PPL: variants seen among roughly 807,000 people sequenced by gnomAD.
PPL encodes periplakin.
Under a neutral mutation model 194.4 loss-of-function variants are expected in PPL, and 198 were observed. That is an observed-to-expected ratio of 1.02 (90% confidence interval 0.91 to 1.15). The LOEUF is 1.15. PPL is among the 50% of genes most tolerant of loss of function. The pLI, the probability that PPL is intolerant of heterozygous loss-of-function variation, is 0.00. For synonymous variants in PPL, 1,220 were observed against 972.4 expected (o/e 1.25, Z -4.74); for missense variants, 2,885 against 2,294.8 (o/e 1.26, Z -5.25).
chr16:4,894,308 C>T (rs1850310184), intron 12 of PPL, among the ~76,000 whole-genome samples, 159 bp downstream of exon 12: 1 of 152,226 alleles, frequency 6.6e-6, no homozygotes, highest in African/African-American at 2.4e-5. Flanking sequence ...CCACAATCTG[C>T]CCCTCTCCTG....
chr16:4,890,138 C>T (rs1435211920), intron 18 of PPL, 46 bp downstream of exon 18: 8 of 1,613,196 alleles, frequency 5.0e-6, no homozygotes, highest in Non-Finnish European at 6.8e-6. Context: ...ACCTCTGACC[C>T]TCCCTTGCCA....
Position 4,893,569 on chromosome 16 carries a change from A to G in PPL, c.1464T>C (p.Tyr488=), listed in dbSNP as rs747882852. 3.1e-6 allele frequency: 5 copies of G among 1,612,468 alleles called. No individual in the cohort carries two copies. In the South Asian group the frequency reaches 3.3e-5, roughly 11 times the overall value. Residue 488 remains tyrosine (Y), a synonymous_variant, in exon 13 of 22, where the codon TAT becomes TAC. Coordinates refer to ENST00000345988, the MANE Select transcript of PPL (RefSeq NM_002705.5). ...CGGGATTCTCGGTCTTCAGCACCTC[A>G]TACCGCTGCTGCAGCGTGCGTTTGC... ...AGSKRTLQQR[Y]EVLKTENPGD...
chr16:4,894,457 GC>G lies in PPL; in HGVS notation c.1394+9del. 1 of 1,613,590 alleles carries G rather than the reference GC, an allele frequency of 6.2e-7. No individual in the cohort carries two copies. Among genetic ancestry groups the G allele is most frequent in the Non-Finnish European group, 8.5e-7 (1 of 1,179,880 alleles). ...CTGGTCCATGCAGACTCCCGCCTTTGCCCTTGTACCTGTCAGCCAGAGCCAG... is the reference window on the plus strand; with the variant it reads ...CTGGTCCATGCAGACTCCCGCCTTTGCCTTGTACCTGTCAGCCAGAGCCAG... On this transcript the variant is annotated intron_variant, in intron 12 of 21. Coordinates refer to ENST00000345988, the MANE Select transcript of PPL (RefSeq NM_002705.5).
rs758464533 is a variant in PPL, at chr16:4,899,007, A to C, written c.876+6T>G. The C allele has an allele frequency of 7.4e-6, 12 of 1,612,736 alleles. No homozygotes were observed. In the African/African-American group the frequency reaches 1.6e-4, roughly 22 times the overall value. On this transcript the variant is annotated splice_donor_region_variant and intron_variant, in intron 8 of 21. Coordinates refer to ENST00000345988, the MANE Select transcript of PPL (RefSeq NM_002705.5). ...GGGGAGGTGTCTGGTCTCGGGGTGC[A>C]TGAACCTCAATGGAGTTCCTCCCGG...
Position 4,885,715 on chromosome 16 carries a change from G to A in PPL, c.2940C>T (p.Ala980=). The A allele has an allele frequency of 1.2e-6, 2 of 1,613,320 alleles. No homozygotes were observed. Among genetic ancestry groups the A allele is most frequent in the South Asian group, 2.2e-5 (2 of 91,038 alleles). ...ELEALQLQLR[A]LEQETRDGGQ... ...CCCCGTCTCTGGTCTCCTGCTCCAG[G>A]GCACGCAGCTGCAGCTGCAGTGCCT... The change falls in exon 22 of 22, where the codon GCC becomes GCT. Residue 980 remains alanine (A), a synonymous_variant. Coordinates refer to ENST00000345988, the MANE Select transcript of PPL (RefSeq NM_002705.5). The surrounding 1 kb of genome is among the most constrained non-coding windows in gnomAD (Gnocchi z 6.3).
At position 4,885,450 on chromosome 16, in the gene PPL, C is replaced by T. The variant is rs772033295; in HGVS notation, c.3205G>A (p.Glu1069Lys). Reference protein sequence around the residue: ...KLQNDPQLEAEYQQLQEDHQR... With the variant: ...KLQNDPQLEAKYQQLQEDHQR... ...TGGTCCTCCTGCAGCTGCTGGTACT[C>T]TGCCTCCAGCTGGGGGTCATTCTGC... Residue 1069 changes from glutamate (E) to lysine (K), a missense_variant, in exon 22 of 22, where the codon GAG becomes AAG. Physicochemically the swap from Glu to Lys is moderately conservative, Grantham distance 56. Coordinates refer to ENST00000345988, the MANE Select transcript of PPL (RefSeq NM_002705.5). The surrounding 1 kb of genome is among the most constrained non-coding windows in gnomAD (Gnocchi z 6.3). 1 of 1,612,364 alleles carries T rather than the reference C, an allele frequency of 6.2e-7. No homozygotes were observed. Among genetic ancestry groups the T allele is most frequent in the South Asian group, 1.1e-5 (1 of 91,062 alleles).
chr16:4,913,325 G>A (rs922381106), intron 1 of PPL, among the ~76,000 whole-genome samples: 3 of 152,154 alleles, frequency 2.0e-5, no homozygotes, highest in African/African-American at 7.2e-5. Flanking sequence ...CTTAGTGGCT[G>A]TGTGACTTGG....
chr16:4,892,105 T>A lies in PPL; in HGVS notation c.1759A>T (p.Arg587Trp). Residue 587 changes from arginine (R) to tryptophan (W), a missense_variant, in exon 15 of 22, where the codon AGG becomes TGG. Physicochemically the swap from Arg to Trp is moderately radical, Grantham distance 101. Transcript: ENST00000345988. ...CGGTTGGTGTCCTCCACCCGGGTCC[T>A]CAGCAGGGGTGTGGTGCCACTGCCT... Reference protein sequence around the residue: ...LPGSGTTPLLRTRVEDTNRKY... With the variant: ...LPGSGTTPLLWTRVEDTNRKY... 1 of 1,613,800 alleles carries A rather than the reference T, an allele frequency of 6.2e-7. No homozygotes were observed. Among genetic ancestry groups the A allele is most frequent in the Non-Finnish European group, 8.5e-7 (1 of 1,180,022 alleles).
rs750778327 is a variant in PPL, at chr16:4,886,037, A to G, written c.2618T>C (p.Val873Ala). 9.9e-6 allele frequency: 16 copies of G among 1,613,552 alleles called. No homozygotes were observed. Among genetic ancestry groups the G allele is most frequent in the Non-Finnish European group, 1.3e-5 (15 of 1,179,988 alleles). The change falls in exon 22 of 22, where the codon GTA becomes GCA. Residue 873 changes from valine (V) to alanine (A), a missense_variant. Coordinates refer to ENST00000345988, the MANE Select transcript of PPL (RefSeq NM_002705.5). ...TTGCAGGGTCTCATGGGTCACTTCT[A>G]CTTCCGGCTGCTGTGATGGAGAAGA... ...ALNLLRQQPE[V>A]EVTHETLQRN...
In PPL at chr16:4,883,677, C is replaced by G; in HGVS notation, c.4978G>C (p.Val1660Leu). The G allele has an allele frequency of 6.2e-7, 1 of 1,614,178 alleles. No individual in the cohort carries two copies. Among genetic ancestry groups the G allele is most frequent in the Non-Finnish European group, 8.5e-7 (1 of 1,180,020 alleles). ...RENHLRRSIV[V>L]IHPDTGRELS... The stretch of plus-strand genomic sequence containing the variant: ...TCGCGGCCTGTGTCAGGGTGGATGA[C>G]TACGATGGAGCGCCGCAGGTGGTTC... The change falls in exon 22 of 22, where the codon GTC becomes CTC. Residue 1660 changes from valine (V) to leucine (L), a missense_variant. Transcript: ENST00000345988. The surrounding 1 kb of genome is among the most constrained non-coding windows in gnomAD (Gnocchi z 4.8).
At chr16:4,898,614 G>A (rs904861987) in intron 8 of PPL, among the ~76,000 whole-genome samples, 1 of 152,182 alleles carries the variant, frequency 6.6e-6, no homozygotes, top group Non-Finnish European at 1.5e-5. Context: ...GCAACCCCCA[G>A]AAGCCGGAAG....
rs138413105 is a variant in PPL at position 4,883,951 on chromosome 16, T to C, written c.4704A>G (p.Leu1568=). 164 of 1,614,030 alleles carry C rather than the reference T, an allele frequency of 1.0e-4. 1 individual carries two copies. The African/African-American group carries it at 2.0e-3, about 19-fold the overall frequency. ...GCTGCAGGTTTTGCCTCTCCAGCTGTAATTTGTGGTTCTCTTCCCTCAGAA... is the reference window on the plus strand; with the variant it reads ...GCTGCAGGTTTTGCCTCTCCAGCTGCAATTTGTGGTTCTCTTCCCTCAGAA... ...LDFLREENHK[L]QLERQNLQLE... The change falls in exon 22 of 22, where the codon TTA becomes TTG. Residue 1568 remains leucine, a synonymous_variant. Transcript: ENST00000345988. The surrounding 1 kb of genome is among the most constrained non-coding windows in gnomAD (Gnocchi z 4.8).
intron 1 of PPL, among the ~76,000 whole-genome samples, chr16:4,932,110 G>T (rs936913181): frequency 7.4e-4 from 113 of 152,332 alleles, no homozygotes; most frequent in African/African-American, 2.6e-3. Context: ...AGGCCCCCCT[G>T]GACTTCCAGC....
chr16:4,904,654 C>T (rs906952196), intron 2 of PPL, among the ~76,000 whole-genome samples: 1 of 152,106 alleles, frequency 6.6e-6, no homozygotes, highest in African/African-American at 2.4e-5. Flanking sequence ...GTGAAAAGGT[C>T]TCTGTGGATA....
chr16:4,896,205 C>G (rs1234473631), intron 9 of PPL, among the ~76,000 whole-genome samples: 1 of 152,186 alleles, frequency 6.6e-6, no homozygotes, highest in Non-Finnish European at 1.5e-5. Flanking sequence ...CCTGAAGCCC[C>G]CACTGTGCGG....
At chr16:4,910,165 G>T (rs1256451592) in intron 2 of PPL, among the ~76,000 whole-genome samples, 1 of 152,162 alleles carries the variant, frequency 6.6e-6, no homozygotes, top group African/African-American at 2.4e-5. Context: ...TTATCCCCAT[G>T]TTACAGAAAG....
intron 1 of PPL, among the ~76,000 whole-genome samples, chr16:4,921,932 T>G: frequency 6.6e-6 from 1 of 151,782 alleles, no homozygotes; most frequent in Non-Finnish European, 1.5e-5. Flanking sequence ...TGAGAGGAGC[T>G]GGGACAGAGG....
chr16:4,922,748 A>G (rs541739798), intron 1 of PPL, among the ~76,000 whole-genome samples: 33 of 151,204 alleles, frequency 2.2e-4, no homozygotes, highest in African/African-American at 7.7e-4. Context: ...CACCTGGGAG[A>G]TGAAAGCAGA....
At chr16:4,898,960 C>G (rs1015394152) in intron 8 of PPL, 53 bp downstream of exon 8, 1 of 1,501,628 alleles carries the variant, frequency 6.7e-7, no homozygotes, top group Non-Finnish European at 9.2e-7. Flanking sequence ...CCACAGGCAG[C>G]GGCCAACCAG....
Sources: gnomAD v4.1 joint callset for allele counts (sites outside exome capture counted in the v4.1 genomes callset) on GRCh38, gnomAD v4.1.1 for gene constraint, Gnocchi (gnomAD v3.1) non-coding constraint, MANE v1.5 for transcripts, NCBI Gene and HGNC (gene_info 2026-07-23, HGNC 2026-07-21) for gene names.